The following LRRC4C variants were observed in gnomAD, a reference collection of about 807,000 sequenced individuals.
The protein encoded by LRRC4C is leucine-rich repeat-containing protein 4C.
In LRRC4C, 5 loss-of-function variants were observed where a neutral mutation model predicts 33.6. The ratio of observed to expected loss-of-function variants is 0.15; its 90% CI spans 0.08 to 0.31. LRRC4C has a LOEUF of 0.31. Among genes scored for constraint, LRRC4C ranks in the 10% least tolerant of loss-of-function variants. The probability of loss-of-function intolerance (pLI) is 1.00; values close to 1 mark genes in which losing one functional copy is unlikely to be tolerated. For synonymous variants in LRRC4C, 329 were observed against 302.0 expected (o/e 1.09, Z -0.93); for missense variants, 560 against 796.7 (o/e 0.70, Z 3.58).
Position 40,577,996 on chromosome 11 carries a change from G to A in LRRC4C, c.-270+70146C>T, listed in dbSNP as rs118081325. Among the ~76,000 whole-genome samples the A allele has an allele frequency of 8.9e-3, 1,345 of 151,012 alleles. 12 individuals carry two copies. Among genetic ancestry groups the A allele is most frequent in the South Asian group, 0.017 (81 of 4,782 alleles). ...ACTACAGGTACCCTCCACTATGCCC[G>A]GTTAATTTTTTGTATTTTAGGTAGA... On this transcript the variant is annotated intron_variant, in intron 3 of 6. Transcript: ENST00000528697.
At chr11:40,752,442 C>G (rs1399901725) in intron 2 of LRRC4C, among the ~76,000 whole-genome samples, 1 of 151,766 alleles carries the variant, frequency 6.6e-6, no homozygotes, top group Non-Finnish European at 1.5e-5. Context: ...GGACAAGTAA[C>G]CTGAATAAAC....
chr11:40,461,434 T>C lies in LRRC4C; in HGVS notation c.-269-141713A>G, dbSNP rs866841481. On this transcript the variant is annotated intron_variant, in intron 3 of 6. Coordinates refer to ENST00000528697, the MANE Select transcript of LRRC4C (RefSeq NM_001258419.2). ...TTCTAGTGTCTTATGTTTTCATCTA[T>C]AAAGTGGGTATAATTTTAAAAACTT... Among the ~76,000 whole-genome samples, 4 of 152,090 alleles carry C rather than the reference T, an allele frequency of 2.6e-5. No individual in the cohort carries two copies. In the South Asian group the frequency reaches 8.3e-4, roughly 31 times the overall value.
intron 2 of LRRC4C, among the ~76,000 whole-genome samples, chr11:40,871,424 TTC>T (rs1954639360): frequency 6.6e-6 from 1 of 152,152 alleles, no homozygotes. Flanking sequence ...GCTGTAAAAT[TTC>T]TCTCTTTTGT....
chr11:40,607,545 G>T (rs57315192), intron 3 of LRRC4C, among the ~76,000 whole-genome samples: 10 of 151,860 alleles, frequency 6.6e-5, no homozygotes, highest in Admixed American at 5.9e-4. Flanking sequence ...ATTTGGTTGA[G>T]GGCCATCAGA....
At chr11:41,310,418 A>T (rs975867953) in intron 1 of LRRC4C, among the ~76,000 whole-genome samples, 4 of 152,222 alleles carry the variant, frequency 2.6e-5, no homozygotes, top group Non-Finnish European at 4.4e-5. Context: ...AGAGAATCAG[A>T]CTGCCTGGGT....
chr11:41,392,656 T>C (rs1051066079), intron 1 of LRRC4C, among the ~76,000 whole-genome samples: 1 of 151,872 alleles, frequency 6.6e-6, no homozygotes, highest in Non-Finnish European at 1.5e-5. Flanking sequence ...GAAGTCATAC[T>C]AAATTAAGGT....
At chr11:40,435,222 T>C (rs1248158862) in intron 3 of LRRC4C, among the ~76,000 whole-genome samples, 1 of 152,216 alleles carries the variant, frequency 6.6e-6, no homozygotes, top group Non-Finnish European at 1.5e-5. Flanking sequence ...CAGCAGCATA[T>C]GCTCCTCACA....
chr11:40,460,552 C>A (rs1952345545), intron 3 of LRRC4C, among the ~76,000 whole-genome samples: 2 of 152,066 alleles, frequency 1.3e-5, no homozygotes, highest in East Asian at 3.9e-4. Flanking sequence ...AAGAATCAAC[C>A]AAAGCCTAAC....
chr11:40,660,238 C>T (rs763808274), intron 2 of LRRC4C, among the ~76,000 whole-genome samples: 1 of 152,196 alleles, frequency 6.6e-6, no homozygotes, highest in Non-Finnish European at 1.5e-5. Flanking sequence ...GTGGCTAGAC[C>T]TCATGCTTGC....
In LRRC4C at chr11:41,166,347, G is replaced by A. The variant is rs79166644; in HGVS notation, c.-495-232624C>T. Among the ~76,000 whole-genome samples, 1,312 of 152,174 alleles carry A rather than the reference G, an allele frequency of 8.6e-3. 23 individuals carry two copies. The highest frequency in any genetic ancestry group is 0.03 in the African/African-American group (1,243 of 41,508). On this transcript the variant is annotated intron_variant, in intron 1 of 6. Transcript: ENST00000528697. ...TGTTCTTCAGTACAAGCAAATGCCT[G>A]GCAGAAATACTTTATTTTTCATATA...
At chr11:40,838,530 A>T (rs996902970) in intron 2 of LRRC4C, among the ~76,000 whole-genome samples, 1 of 152,174 alleles carries the variant, frequency 6.6e-6, no homozygotes, top group African/African-American at 2.4e-5. Context: ...GCCAATGAAC[A>T]TGAATTACTT....
At chr11:41,370,471 T>C (rs895330530) in intron 1 of LRRC4C, among the ~76,000 whole-genome samples, 1 of 152,200 alleles carries the variant, frequency 6.6e-6, no homozygotes, top group African/African-American at 2.4e-5. Context: ...CCCCCCATAC[T>C]GCTCTCGTGG....
At chr11:40,336,869 C>G (rs979978226) in intron 3 of LRRC4C, among the ~76,000 whole-genome samples, 1 of 146,418 alleles carries the variant, frequency 6.8e-6, no homozygotes, top group Non-Finnish European at 1.5e-5. Context: ...CCCAGCTACT[C>G]GGGAGGCTGA....
intron 3 of LRRC4C, among the ~76,000 whole-genome samples, chr11:40,561,520 C>T (rs1957549281): frequency 6.9e-6 from 1 of 144,440 alleles, no homozygotes; most frequent in Non-Finnish European, 1.5e-5. Context: ...TCACGCTATT[C>T]TCCTGCCTCA....
chr11:40,908,382 C>T (rs1256509632), intron 2 of LRRC4C, among the ~76,000 whole-genome samples: 2 of 152,030 alleles, frequency 1.3e-5, no homozygotes, highest in African/African-American at 2.4e-5. Flanking sequence ...CAAAAAAGTC[C>T]ATGTTTTAAC....
intron 1 of LRRC4C, among the ~76,000 whole-genome samples, chr11:40,996,991 C>G (rs355248): frequency 6.6e-6 from 1 of 151,710 alleles, no homozygotes; most frequent in African/African-American, 2.4e-5. Context: ...CTATATCACC[C>G]CAAGTGGGGT....
At chr11:40,259,248 T>G (rs1244512238) in intron 4 of LRRC4C, among the ~76,000 whole-genome samples, 1 of 152,080 alleles carries the variant, frequency 6.6e-6, no homozygotes, top group African/African-American at 2.4e-5. Context: ...GCCCACTTTT[T>G]GATGGGGTTG....
At chr11:40,500,285 TATATATATAC>T (rs1423617629) in intron 3 of LRRC4C, among the ~76,000 whole-genome samples, 5 of 67,436 alleles carry the variant, frequency 7.4e-5, no homozygotes, top group Admixed American at 2.4e-4. Flanking sequence ...TATATATATA[TATATATATAC>T]ACACACACAC....
chr11:40,388,439 G>A (rs894700500), intron 3 of LRRC4C, among the ~76,000 whole-genome samples: 2 of 152,140 alleles, frequency 1.3e-5, no homozygotes, highest in African/African-American at 4.8e-5. Context: ...GGTTGCGCTT[G>A]GAGGGATGAA....
Sources: allele counts gnomAD v4.1 joint callset (sites outside exome capture counted in the v4.1 genomes callset), GRCh38; gene constraint gnomAD v4.1.1; transcripts MANE v1.5; gene names NCBI Gene and HGNC (gene_info 2026-07-23, HGNC 2026-07-21).